The following CENPF variants were observed in gnomAD, a reference collection of about 807,000 sequenced individuals.
CENPF encodes AH antigen.
CENPF carries 214 observed loss-of-function variants against 307.3 expected under a neutral mutation model. That is an observed-to-expected ratio of 0.70 (90% CI 0.62 to 0.78). CENPF has a LOEUF of 0.78. CENPF is among the 30% of genes least tolerant of loss of function. The pLI is 0.00. For synonymous variants in CENPF, 1,259 were observed against 1,270.6 expected, an observed-to-expected ratio of 0.99 and a Z score of 0.19; for missense variants, 3,401 against 3,483.9, an observed-to-expected ratio of 0.98 and a Z score of 0.60.
rs1378456245 is a variant in CENPF, at chr1:214,645,258, A to G, written c.5688A>G (p.Arg1896=). 1 of 1,614,054 alleles carries G rather than the reference A, an allele frequency of 6.2e-7. No homozygotes were observed. The highest frequency in any genetic ancestry group is 2.2e-5 in the East Asian group (1 of 44,868). ...AGGTGAATGACAGCTGGAAGGAGAG[A>G]TTTCTTGATGTGGAAAATGAGCTGA... ...VAKVNDSWKE[R]FLDVENELSR... The change falls in exon 13 of 20, where the codon AGA becomes AGG. Residue 1896 remains arginine (R), a synonymous_variant. Coordinates refer to ENST00000366955, the MANE Select transcript of CENPF (RefSeq NM_016343.4).
rs61732031 is a variant in CENPF, at chr1:214,641,582, C to T, written c.3244C>T (p.His1082Tyr). The change falls in exon 12 of 20, where the codon CAC (histidine) becomes TAC (tyrosine). Residue 1082 changes from histidine to tyrosine, a missense_variant. Coordinates refer to ENST00000366955, the MANE Select transcript of CENPF (RefSeq NM_016343.4). ...GCTAAAGGAAGCATTTGCAAAGGAA[C>T]ACCAAGAATTCTTAACAAAATTAGC... The part of the protein sequence containing the change: ...EQLKEAFAKE[H>Y]QEFLTKLAFA... 0.015 allele frequency: 22,838 copies of T among 1,538,824 alleles called. 240 individuals are homozygous for T. Among genetic ancestry groups the T allele is most frequent in the South Asian group, 0.039 (2,991 of 77,382 alleles).
At position 214,661,833 on chromosome 1, in the gene CENPF, T is replaced by A. The variant is rs190294493; in HGVS notation, c.9142-1758T>A. Among the ~76,000 whole-genome samples, 19 of 152,270 alleles carry A rather than the reference T, an allele frequency of 1.2e-4. No individual in the cohort carries two copies. The East Asian group carries it at 3.1e-3, about 25-fold the overall frequency. On this transcript the variant is annotated intron_variant, in intron 19 of 19. Transcript: ENST00000366955. ...TGCATATTTGCCCTCTCTCTGTTGC[T>A]ACTGCAGAATCATTTATGAGACAAT...
At chr1:214,658,755 T>C in intron 18 of CENPF, 95 bp from the exon 19 acceptor site, 2 of 1,255,632 alleles carry the variant, frequency 1.6e-6, no homozygotes, top group South Asian at 2.8e-5. Flanking sequence ...TTTTGGAGTT[T>C]GCATTATCCT....
At chr1:214,661,447 A>C (rs1176098635) in intron 19 of CENPF, among the ~76,000 whole-genome samples, 2 of 152,186 alleles carry the variant, frequency 1.3e-5, no homozygotes, top group Non-Finnish European at 2.9e-5. Context: ...GTTGCTTAGA[A>C]ACTCAGGGTT....
chr1:214,608,847 C>T (rs1657115909), intron 1 of CENPF: 10 of 1,561,858 alleles, frequency 6.4e-6, no homozygotes, highest in African/African-American at 1.4e-5. Context: ...TCATGGCGGG[C>T]GCCGCCCGGG....
chr1:214,644,668 C>G lies in CENPF; in HGVS notation c.5098C>G (p.Gln1700Glu), dbSNP rs1658230259. The change falls in exon 13 of 20, where the codon CAG becomes GAG. Residue 1700 changes from glutamine (Q) to glutamate (E), a missense_variant. Coordinates refer to ENST00000366955, the MANE Select transcript of CENPF (RefSeq NM_016343.4). Reference sequence around the variant, plus strand: ...TCAGATTTGTGATAAAGATGCTCAGCAGGACCTCAATCTAGACATTGAGAA... The same window carrying G: ...TCAGATTTGTGATAAAGATGCTCAGGAGGACCTCAATCTAGACATTGAGAA... ...VHQICDKDAQQDLNLDIEKIT... is the reference protein window; with the variant it reads ...VHQICDKDAQEDLNLDIEKIT... 3 of 1,614,016 alleles carry G rather than the reference C, an allele frequency of 1.9e-6. No homozygotes were observed. Among genetic ancestry groups the G allele is most frequent in the Non-Finnish European group, 2.5e-6 (3 of 1,179,944 alleles).
At chr1:214,661,455 G>A (rs1382587231) in intron 19 of CENPF, among the ~76,000 whole-genome samples, 2 of 152,202 alleles carry the variant, frequency 1.3e-5, no homozygotes, top group Non-Finnish European at 2.9e-5. Flanking sequence ...GAAACTCAGG[G>A]TTGTGAGTTC....
intron 15 of CENPF, among the ~76,000 whole-genome samples, chr1:214,652,254 C>G (rs1658498474): frequency 2.0e-5 from 3 of 151,082 alleles, no homozygotes; most frequent in African/African-American, 7.3e-5. Flanking sequence ...CCAGGATGGT[C>G]TCGATCTCCT....
At chr1:214,619,459 T>C (rs942899150) in intron 5 of CENPF, among the ~76,000 whole-genome samples, 7 of 152,200 alleles carry the variant, frequency 4.6e-5, no homozygotes, top group African/African-American at 9.6e-5. Context: ...GTTCATATAA[T>C]GTACACTTAA....
chr1:214,652,580 A>G (rs903751705), intron 15 of CENPF, among the ~76,000 whole-genome samples: 1 of 150,512 alleles, frequency 6.6e-6, no homozygotes, highest in African/African-American at 2.4e-5. Flanking sequence ...AGTAGCTGGG[A>G]TTATAGGCGC....
At chr1:214,653,237 T>G in intron 16 of CENPF, 1 of 419,068 alleles carries the variant, frequency 2.4e-6, no homozygotes, top group Non-Finnish European at 4.5e-6. Flanking sequence ...GTTAAAGACT[T>G]CTTGAGATAG....
chr1:214,646,534 C>A lies in CENPF; in HGVS notation c.6964C>A (p.Gln2322Lys). 6.2e-7 allele frequency: 1 copy of A among 1,614,096 alleles called. No homozygotes were observed. The change falls in exon 13 of 20, where the codon CAA (glutamine) becomes AAA (lysine). Residue 2322 changes from glutamine (Q) to lysine (K), a missense_variant. By Grantham distance (53) the Gln-to-Lys change is moderately conservative (BLOSUM62 1). Coordinates refer to ENST00000366955, the MANE Select transcript of CENPF (RefSeq NM_016343.4). ...ADEKKQLCVL[Q>K]QLKESEHHAD... Reference sequence around the variant, plus strand: ...TGAAAAGAAGCAGCTCTGTGTCTTACAACAACTGAAGGAAAGTGAGCATCA... The same window carrying A: ...TGAAAAGAAGCAGCTCTGTGTCTTAAAACAACTGAAGGAAAGTGAGCATCA...
At chr1:214,650,804 T>C (rs1358675935) in intron 14 of CENPF, among the ~76,000 whole-genome samples, 2 of 152,066 alleles carry the variant, frequency 1.3e-5, no homozygotes, top group Non-Finnish European at 2.9e-5. Flanking sequence ...GGGGATCACC[T>C]GAGCCCTGGA....
rs1658735001 is a variant in CENPF, at chr1:214,659,343, C to T, written c.9141+315C>T. Among the ~76,000 whole-genome samples, 1 of 151,980 alleles carries T rather than the reference C, an allele frequency of 6.6e-6. No homozygotes were observed. The highest frequency in any genetic ancestry group is 1.5e-5 in the Non-Finnish European group (1 of 67,994). On this transcript the variant is annotated intron_variant, in intron 19 of 19. Coordinates refer to ENST00000366955, the MANE Select transcript of CENPF (RefSeq NM_016343.4). The surrounding 1 kb of genome is among the most constrained non-coding windows in gnomAD (Gnocchi z 4.4). ...TGAAGGATTTGAAGAGGTAATTTTC[C>T]CTTTCGCCACTGGTATTAGTCATTG...
rs1263460496 is a variant in CENPF at position 214,641,494 on chromosome 1, A to G, written c.3156A>G (p.Lys1052=). Residue 1052 remains lysine, a synonymous_variant, in exon 12 of 20, where the codon AAA becomes AAG. Transcript: ENST00000366955. ...AAGCAGCACAGGAAAAGAATTCTAAATTAGAATGCTTGCTAAATGAATGCA... is the reference window on the plus strand; with the variant it reads ...AAGCAGCACAGGAAAAGAATTCTAAGTTAGAATGCTTGCTAAATGAATGCA... ...KYKAAQEKNS[K]LECLLNECTS... is the part of the protein sequence containing the mutation. The G allele has an allele frequency of 3.3e-6, 5 of 1,522,586 alleles. No homozygotes were observed. The highest frequency in any genetic ancestry group is 1.4e-5 in the African/African-American group (1 of 71,474). The allele number at this position is 1,522,586 out of a possible 1,614,324, so 94.3% of individuals were successfully genotyped here.
Position 214,639,920 on chromosome 1 carries a change from G to T in CENPF, c.1583-1G>T. On this transcript the variant is annotated splice_acceptor_variant, in intron 11 of 19. Coordinates refer to ENST00000366955, the MANE Select transcript of CENPF (RefSeq NM_016343.4). LOFTEE classifies it high-confidence loss of function. ...GACGACTTTTATTTATTTTTAAATAGCGAAGAATACCTCTCAGGAAACCAT... is the reference window on the plus strand; with the variant it reads ...GACGACTTTTATTTATTTTTAAATATCGAAGAATACCTCTCAGGAAACCAT... The T allele has an allele frequency of 1.3e-6, 2 of 1,481,950 alleles. No individual in the cohort carries two copies. Among genetic ancestry groups the T allele is most frequent in the South Asian group, 2.9e-5 (2 of 69,182 alleles). The allele number at this position is 1,481,950 out of a possible 1,614,324, so 91.8% of individuals were successfully genotyped here.
At chr1:214,605,410 C>T (rs931688649) in intron 1 of CENPF, 3 of 446,534 alleles carry the variant, frequency 6.7e-6, no homozygotes, top group Non-Finnish European at 8.1e-6. Context: ...GTCATACATC[C>T]GTAAGTGCCT....
At position 214,645,839 on chromosome 1, in the gene CENPF, C is replaced by G; in HGVS notation, c.6269C>G (p.Ser2090Cys). The part of the protein sequence containing the change: ...SESDYEKLNV[S>C]KALEAALVEK... ...TCAGATTATGAAAAGCTGAATGTCT[C>G]CAAGGCCTTGGAGGCCGCACTGGTG... is the stretch of plus-strand genomic sequence containing the variant. The change falls in exon 13 of 20, where the codon TCC becomes TGC. Residue 2090 changes from serine (S) to cysteine (C), a missense_variant. Transcript: ENST00000366955. 1 of 1,614,172 alleles carries G rather than the reference C, an allele frequency of 6.2e-7. No individual in the cohort carries two copies. The highest frequency in any genetic ancestry group is 8.5e-7 in the Non-Finnish European group (1 of 1,180,040).
At position 214,659,237 on chromosome 1, in the gene CENPF, C is replaced by T. The variant is rs573629021; in HGVS notation, c.9141+209C>T. Among the ~76,000 whole-genome samples, 23 of 152,032 alleles carry T rather than the reference C, an allele frequency of 1.5e-4. No homozygotes were observed. Among genetic ancestry groups the T allele is most frequent in the African/African-American group, 5.1e-4 (21 of 41,442 alleles). On this transcript the variant is annotated intron_variant, in intron 19 of 19. Coordinates refer to ENST00000366955, the MANE Select transcript of CENPF (RefSeq NM_016343.4). This position sits in a 1 kb window ranked among gnomAD's most constrained non-coding sequence, Gnocchi z 4.4. ...TGATCTCATCCTTCAGTCAACAGGC[C>T]GCTTATATGTAGTTTGATGGAAAAT...
Sources: gnomAD v4.1 joint callset for allele counts (sites outside exome capture counted in the v4.1 genomes callset) on GRCh38, gnomAD v4.1.1 for gene constraint, Gnocchi (gnomAD v3.1) non-coding constraint, MANE v1.5 for transcripts, NCBI Gene and HGNC (gene_info 2026-07-23, HGNC 2026-07-21) for gene names.